The following SLC35F3 variants were observed in gnomAD, a reference collection of about 807,000 sequenced individuals.
SLC35F3 encodes the protein putative thiamine transporter SLC35F3.
Under a neutral mutation model 49.9 loss-of-function variants are expected in SLC35F3, and 25 were observed. The observed-to-expected ratio is 0.50, with a 90% CI of 0.37 to 0.70. SLC35F3 has a LOEUF of 0.70. SLC35F3 is among the 30% of genes least tolerant of loss of function. The pLI is 0.00. For missense variants in SLC35F3, 525 were observed against 639.8 expected, an observed-to-expected ratio of 0.82 and a Z score of 1.94; for synonymous variants, 275 against 265.4, an observed-to-expected ratio of 1.04 and a Z score of -0.35.
In SLC35F3 at chr1:234,214,601, G is replaced by T; in HGVS notation, c.284-16816G>T. 1 of 1,521,420 alleles carries T rather than the reference G, an allele frequency of 6.6e-7. No homozygotes were observed. Among genetic ancestry groups the T allele is most frequent in the South Asian group, 1.2e-5 (1 of 80,656 alleles). 94.2% of individuals were successfully genotyped at this position (1,521,420 alleles called of 1,614,324 possible). A position where few individuals can be genotyped will look rare whatever the true frequency, so the allele number is the denominator to read the frequency against. ...TAATGCGCGGCCGCCTCGCCCCGGGGGTCCCTGCACCCTAGCCGGGGAATG... is the reference window on the plus strand; with the variant it reads ...TAATGCGCGGCCGCCTCGCCCCGGGTGTCCCTGCACCCTAGCCGGGGAATG... On this transcript the variant is annotated intron_variant, in intron 2 of 7. Transcript: ENST00000366618. The surrounding 1 kb of genome is among the most constrained non-coding windows in gnomAD (Gnocchi z 8.0).
chr1:234,178,557 C>T (rs984545497), intron 2 of SLC35F3, among the ~76,000 whole-genome samples: 4 of 152,170 alleles, frequency 2.6e-5, no homozygotes, highest in Non-Finnish European at 5.9e-5. Flanking sequence ...ACCCGCACAG[C>T]CTGCCACACT....
chr1:233,921,886 A>C (rs530559678), intron 2 of SLC35F3, among the ~76,000 whole-genome samples: 1 of 148,640 alleles, frequency 6.7e-6, no homozygotes, highest in Admixed American at 6.9e-5. Context: ...GAGTGAGAAC[A>C]TGGGTATTTG....
intron 2 of SLC35F3, among the ~76,000 whole-genome samples, chr1:234,149,240 C>G (rs577585245): frequency 6.6e-6 from 1 of 152,278 alleles, no homozygotes; most frequent in South Asian, 2.1e-4. Flanking sequence ...ACATAAAATA[C>G]CCATGGGGGA....
At chr1:234,047,172 T>C (rs193056766) in intron 2 of SLC35F3, among the ~76,000 whole-genome samples, 1 of 152,368 alleles carries the variant, frequency 6.6e-6, no homozygotes, top group African/African-American at 2.4e-5. Flanking sequence ...TTCTCTAATA[T>C]GTGAACATGA....
intron 2 of SLC35F3, among the ~76,000 whole-genome samples, chr1:234,086,224 G>A (rs935541194): frequency 4.6e-5 from 7 of 152,322 alleles, no homozygotes; most frequent in Non-Finnish European, 8.8e-5. Context: ...GGACCATCCT[G>A]TATTACACAA....
intron 3 of SLC35F3, among the ~76,000 whole-genome samples, chr1:234,287,374 C>T (rs535572903): frequency 6.6e-6 from 1 of 152,016 alleles, no homozygotes; most frequent in Non-Finnish European, 1.5e-5. Flanking sequence ...AGTCACATAA[C>T]AAATAAGTGA....
intron 2 of SLC35F3, among the ~76,000 whole-genome samples, chr1:233,997,260 A>C (rs1015673588): frequency 6.6e-6 from 1 of 152,142 alleles, no homozygotes; most frequent in Non-Finnish European, 1.5e-5. Flanking sequence ...TCCTTTGGGT[A>C]TATATCCAGC....
At chr1:234,072,718 G>A (rs1421773766) in intron 2 of SLC35F3, among the ~76,000 whole-genome samples, 1 of 152,226 alleles carries the variant, frequency 6.6e-6, no homozygotes, top group Non-Finnish European at 1.5e-5. Context: ...TGCTTGAAGT[G>A]TTTGGGGAAC....
rs543304815 is a variant in SLC35F3, at chr1:234,081,694, C to T, written c.284-149723C>T. ...GAATACTCCATCAAAGCTTGTGTGC[C>T]TTCCAGGTGTGGACCCCTGGGGCAA... On this transcript the variant is annotated intron_variant, in intron 2 of 7. Transcript: ENST00000366618. Among the ~76,000 whole-genome samples the T allele has an allele frequency of 5.1e-4, 77 of 151,958 alleles. No individual in the cohort carries two copies. In the South Asian group the frequency reaches 0.011, roughly 22 times the overall value.
At chr1:233,997,149 C>A (rs1025153126) in intron 2 of SLC35F3, among the ~76,000 whole-genome samples, 3 of 152,152 alleles carry the variant, frequency 2.0e-5, no homozygotes, top group Admixed American at 2.0e-4. Context: ...TCTCCACTCC[C>A]CTGTGGTTGA....
chr1:234,284,501 C>A (rs1668379792), intron 3 of SLC35F3, among the ~76,000 whole-genome samples: 1 of 152,218 alleles, frequency 6.6e-6, no homozygotes, highest in Non-Finnish European at 1.5e-5. Context: ...AGATAGGATT[C>A]ATGCATCTGG....
chr1:234,161,489 A>G lies in SLC35F3; in HGVS notation c.284-69928A>G, dbSNP rs370662231. ...ATCAAAACTCCTTGAGGCCAGGCAC[A>G]GTGACTCATGCCTGTAATCCCAGCT... On this transcript the variant is annotated intron_variant, in intron 2 of 7. Transcript: ENST00000366618. 1.8e-4 allele frequency among the ~76,000 whole-genome samples: 27 copies of G among 152,238 alleles called. No individual in the cohort carries two copies. In the South Asian group the frequency reaches 2.1e-3, roughly 12 times the overall value.
At chr1:234,278,808 C>A (rs76940102) in intron 3 of SLC35F3, among the ~76,000 whole-genome samples, 9,223 of 152,192 alleles carry the variant, frequency 0.061, 336 homozygotes, top group African/African-American at 0.1. Context: ...TCTCTCTTAC[C>A]AGGCCATTAA....
intron 3 of SLC35F3, among the ~76,000 whole-genome samples, chr1:234,284,613 G>A (rs866537747): frequency 6.6e-6 from 1 of 152,220 alleles, no homozygotes; most frequent in African/African-American, 2.4e-5. Context: ...GATTGTGATC[G>A]TGCCTCTTGT....
intron 3 of SLC35F3, among the ~76,000 whole-genome samples, chr1:234,255,236 C>G (rs1462372442): frequency 6.6e-6 from 1 of 152,050 alleles, no homozygotes; most frequent in African/African-American, 2.4e-5. Flanking sequence ...ATACAGACAG[C>G]AAATTAGTAT....
At chr1:234,043,412 A>T (rs1042301804) in intron 2 of SLC35F3, among the ~76,000 whole-genome samples, 1 of 152,202 alleles carries the variant, frequency 6.6e-6, no homozygotes, top group Non-Finnish European at 1.5e-5. Flanking sequence ...ACTCATACAC[A>T]TTAGTATAAA....
chr1:234,282,013 T>C (rs1457805332), intron 3 of SLC35F3, among the ~76,000 whole-genome samples: 1 of 152,096 alleles, frequency 6.6e-6, no homozygotes, highest in Non-Finnish European at 1.5e-5. Flanking sequence ...TGTCCCCTGG[T>C]ACGTCTTGTG....
rs1157352643 is a variant in SLC35F3 at position 234,231,431 on chromosome 1, C to T, written c.298C>T (p.Arg100Trp). 6 of 1,576,836 alleles carry T rather than the reference C, an allele frequency of 3.8e-6. No individual in the cohort carries two copies. The highest frequency in any genetic ancestry group is 5.2e-6 in the Non-Finnish European group (6 of 1,163,500). ...CTCTTCCCCAGGGGAGGAGCGCCCC[C>T]GGGACTCCCCGGGCCCGGCGGAGGC... is the stretch of plus-strand genomic sequence containing the variant. Reference protein sequence around the residue: ...AASCKREERPRDSPGPAEAQA... With the variant: ...AASCKREERPWDSPGPAEAQA... The change falls in exon 3 of 8, where the codon CGG becomes TGG. Residue 100 changes from arginine (R) to tryptophan (W), a missense_variant. Arg to Trp is a moderately radical substitution (Grantham distance 101). Around this residue, in one of 4 missense-constraint regions of SLC35F3, gnomAD observed 228 missense variants for 218.9 expected, o/e 1.04. Transcript: ENST00000366618. The surrounding 1 kb of genome is among the most constrained non-coding windows in gnomAD (Gnocchi z 5.4).
chr1:234,236,923 AATTATATAT>A (rs1359658821), intron 3 of SLC35F3, among the ~76,000 whole-genome samples: 1 of 39,956 alleles, frequency 2.5e-5, no homozygotes, highest in Non-Finnish European at 5.0e-5. Flanking sequence ...TTAAAAAAAA[AATTATATAT>A]ATATATATAT....
Sources: allele counts gnomAD v4.1 joint callset (sites outside exome capture counted in the v4.1 genomes callset), GRCh38; gene constraint gnomAD v4.1.1; regional missense constraint gnomAD v4.1.1; non-coding constraint Gnocchi (gnomAD v3.1); transcripts MANE v1.5; gene names NCBI Gene and HGNC (gene_info 2026-07-23, HGNC 2026-07-21).